ITPK1: variants seen among roughly 807,000 people sequenced by gnomAD.
The protein encoded by ITPK1 is inositol 1,3,4-trisphosphate 5/6-kinase.
ITPK1 carries 21 observed loss-of-function variants against 45.3 expected under a neutral mutation model. The ratio of observed to expected loss-of-function variants is 0.46; its 90% CI spans 0.33 to 0.67. The LOEUF (loss-of-function observed/expected upper bound fraction) is 0.67, where lower values mean the gene tolerates loss of function less well. Ranked by LOEUF, ITPK1 falls within the 30% of genes least tolerant of loss-of-function variation. ITPK1 has a pLI of 0.02. For missense variants in ITPK1, 474 were observed against 573.5 expected (o/e 0.83, Z 1.77); for synonymous variants, 258 against 253.6 (o/e 1.02, Z -0.16).
chr14:92,992,043 G>T (rs931072901), intron 5 of ITPK1, among the ~76,000 whole-genome samples: 1 of 152,164 alleles, frequency 6.6e-6, no homozygotes, highest in Non-Finnish European at 1.5e-5. Flanking sequence ...TGGCTAACAA[G>T]AGCCCAGACA....
chr14:93,082,716 G>A (rs951744361), intron 2 of ITPK1, among the ~76,000 whole-genome samples: 2 of 152,260 alleles, frequency 1.3e-5, no homozygotes, highest in Admixed American at 6.5e-5. Context: ...CATGGGAGCA[G>A]GACCCAAGCC....
At chr14:92,955,709 G>T (rs1050476881) in intron 8 of ITPK1, among the ~76,000 whole-genome samples, 1 of 152,244 alleles carries the variant, frequency 6.6e-6, no homozygotes, top group South Asian at 2.1e-4. Flanking sequence ...AAGGAGACTG[G>T]CAGTTGTCGA....
At chr14:92,982,215 T>C (rs1886270557) in intron 5 of ITPK1, among the ~76,000 whole-genome samples, 1 of 152,242 alleles carries the variant, frequency 6.6e-6, no homozygotes, top group Non-Finnish European at 1.5e-5. Flanking sequence ...AAGATCCCTG[T>C]GGCCGGGCAA....
At position 93,114,101 on chromosome 14, in the gene ITPK1, C is replaced by G. The variant is rs76114845; in HGVS notation, c.95+968G>C. ...CATTTTCAAAAATCAGTCTAACAAG[C>G]TGCATCACAAAAGGTTTCCACCTGG... On this transcript the variant is annotated intron_variant, in intron 2 of 10. Transcript: ENST00000267615. Among the ~76,000 whole-genome samples the G allele has an allele frequency of 6.9e-3, 1,052 of 152,392 alleles. 12 individuals carry two copies. Among genetic ancestry groups the G allele is most frequent in the African/African-American group, 0.024 (1,016 of 41,590 alleles).
intron 3 of ITPK1, among the ~76,000 whole-genome samples, chr14:93,042,721 T>G (rs1357039981): frequency 1.3e-5 from 2 of 151,966 alleles, no homozygotes; most frequent in Non-Finnish European, 2.9e-5. Context: ...AGAAGGAAAT[T>G]AAAGTTTCAA....
chr14:93,111,732 C>T (rs964867771), intron 2 of ITPK1, among the ~76,000 whole-genome samples: 2 of 144,656 alleles, frequency 1.4e-5, no homozygotes, highest in Non-Finnish European at 3.0e-5. Flanking sequence ...AAAAAAGCCA[C>T]AAAGAGGGGG....
intron 3 of ITPK1, among the ~76,000 whole-genome samples, chr14:93,062,089 G>A (rs545275686): frequency 1.3e-5 from 2 of 152,244 alleles, no homozygotes; most frequent in African/African-American, 2.4e-5. Context: ...TGGCCAACAC[G>A]GTGAAACCCC....
At chr14:93,093,806 G>A (rs34719890) in intron 2 of ITPK1, among the ~76,000 whole-genome samples, 26,902 of 152,128 alleles carry the variant, frequency 0.18, 2,501 homozygotes, top group South Asian at 0.28. Context: ...CTGGACAATC[G>A]CAGCAGCCTC....
At chr14:93,003,787 G>A (rs1010591146) in intron 4 of ITPK1, among the ~76,000 whole-genome samples, 1 of 152,200 alleles carries the variant, frequency 6.6e-6, no homozygotes, top group African/African-American at 2.4e-5. Context: ...CCGAGCGCGT[G>A]GGTCCTGGGG....
chr14:92,958,141 CCA>C lies in ITPK1; in HGVS notation c.670+58_670+59del. 1.3e-6 allele frequency: 2 copies of C among 1,546,814 alleles called. No individual in the cohort carries two copies. Among genetic ancestry groups the C allele is most frequent in the South Asian group, 1.1e-5 (1 of 89,438 alleles). ...AGTGCCGAAGGACAGACAGCTGCTGCCACATCCCAGCTGGGCCCCTGAGTCTT... is the reference window on the plus strand; with the variant it reads ...AGTGCCGAAGGACAGACAGCTGCTGCCATCCCAGCTGGGCCCCTGAGTCTT... On this transcript the variant is annotated intron_variant, in intron 8 of 10. Transcript: ENST00000267615. The surrounding 1 kb of genome is among the most constrained non-coding windows in gnomAD (Gnocchi z 4.4).
In ITPK1 at chr14:92,941,092, G is replaced by GGTCAGGGAGTGGGGA. The variant is rs1417115285; in HGVS notation, c.*454_*468dup. 54 of 1,202,060 alleles carry GGTCAGGGAGTGGGGA rather than the reference G, an allele frequency of 4.5e-5. No individual in the cohort carries two copies. In the African/African-American group the frequency reaches 7.4e-4, roughly 17 times the overall value. The allele number at this position is 1,202,060 out of a possible 1,614,324, so 74.5% of individuals were successfully genotyped here. On this transcript the variant is annotated 3_prime_UTR_variant, in exon 11 of 11. Transcript: ENST00000267615. ...TAGGAGGAAAAACAAGGAAGGGGCA[G>GGTCAGGGAGTGGGGA]GTCAGGGAGTGGGGAGTCAGGCAGA...
chr14:92,942,106 G>A (rs4905011), intron 10 of ITPK1, among the ~76,000 whole-genome samples: 35,815 of 152,060 alleles, frequency 0.24, 4,800 homozygotes, highest in Admixed American at 0.41. Flanking sequence ...AACCAGGTGC[G>A]TGCTCCTCGA....
chr14:92,962,228 A>G (rs1885112504), intron 7 of ITPK1, 127 bp downstream of exon 7: 2 of 769,272 alleles, frequency 2.6e-6, no homozygotes, highest in Admixed American at 3.8e-5. Flanking sequence ...GAGGCTATCT[A>G]CCAAGGAGCC....
At chr14:92,963,341 A>G (rs1472801992) in intron 5 of ITPK1, among the ~76,000 whole-genome samples, 1 of 152,192 alleles carries the variant, frequency 6.6e-6, no homozygotes, top group Non-Finnish European at 1.5e-5. Context: ...CGCTGTACCG[A>G]GGGCTTTGCC....
At chr14:93,062,119 A>G (rs1890550295) in intron 3 of ITPK1, among the ~76,000 whole-genome samples, 1 of 152,172 alleles carries the variant, frequency 6.6e-6, no homozygotes, top group Non-Finnish European at 1.5e-5. Flanking sequence ...AAAAATACAA[A>G]AATTAGCCAG....
chr14:93,002,987 C>T (rs73332146), intron 4 of ITPK1, among the ~76,000 whole-genome samples: 17,917 of 152,194 alleles, frequency 0.12, 1,398 homozygotes, highest in East Asian at 0.23. Context: ...CCCCTTAGGA[C>T]AGTAAATACA....
At chr14:93,028,421 C>T (rs2139883395) in intron 3 of ITPK1, among the ~76,000 whole-genome samples, 1 of 152,330 alleles carries the variant, frequency 6.6e-6, no homozygotes, top group Middle Eastern at 3.4e-3. Context: ...AGGACAATCT[C>T]TCCCCAGGCA....
chr14:93,064,416 T>A (rs541393318), intron 3 of ITPK1, among the ~76,000 whole-genome samples: 14 of 152,188 alleles, frequency 9.2e-5, no homozygotes, highest in African/African-American at 3.4e-4. Flanking sequence ...CAGGCCATCA[T>A]GCCTGGCTGC....
intron 4 of ITPK1, among the ~76,000 whole-genome samples, chr14:93,015,237 G>A (rs755497458): frequency 6.6e-6 from 1 of 152,202 alleles, no homozygotes; most frequent in Non-Finnish European, 1.5e-5. Flanking sequence ...CTGGGTCCCT[G>A]TGGACAAGCT....
Sources: gnomAD v4.1 joint callset for allele counts (sites outside exome capture counted in the v4.1 genomes callset) on GRCh38, gnomAD v4.1.1 for gene constraint, Gnocchi (gnomAD v3.1) non-coding constraint, MANE v1.5 for transcripts, NCBI Gene and HGNC (gene_info 2026-07-23, HGNC 2026-07-21) for gene names.